Variants in GAB1 observed in about 807,000 individuals in gnomAD.
The protein encoded by GAB1 is GRB2 associated binding protein 1.
A neutral mutation model predicts 66.5 loss-of-function variants in GAB1; 19 were observed. The ratio of observed to expected loss-of-function variants is 0.29; its 90% CI spans 0.20 to 0.42. The LOEUF is 0.42. Among genes scored for constraint, GAB1 ranks in the 10% least tolerant of loss-of-function variants. The pLI, the probability that GAB1 is intolerant of heterozygous loss-of-function variation, is 1.00. For synonymous variants in GAB1, 294 were observed against 301.4 expected, an observed-to-expected ratio of 0.98 and a Z score of 0.25; for missense variants, 732 against 858.5, an observed-to-expected ratio of 0.85 and a Z score of 1.84.
intron 6 of GAB1, among the ~76,000 whole-genome samples, chr4:143,450,812 A>G (rs908977871): frequency 2.0e-5 from 3 of 151,742 alleles, no homozygotes; most frequent in Non-Finnish European, 2.9e-5. Flanking sequence ...AATTGCTTGA[A>G]CCTAGGATTT....
intron 1 of GAB1, among the ~76,000 whole-genome samples, chr4:143,356,958 G>T (rs1327389867): frequency 6.6e-6 from 1 of 152,032 alleles, no homozygotes; most frequent in Non-Finnish European, 1.5e-5. Context: ...AGAAATTTTG[G>T]ACTTTCTCTT....
intron 4 of GAB1, chr4:143,439,501 G>T (rs1348029342): frequency 6.6e-6 from 2 of 301,438 alleles, no homozygotes; most frequent in East Asian, 1.3e-4. Context: ...TGGTGCAAAC[G>T]ATGAGAAAAT....
At chr4:143,354,632 A>G (rs1418689237) in intron 1 of GAB1, among the ~76,000 whole-genome samples, 1 of 152,204 alleles carries the variant, frequency 6.6e-6, no homozygotes, top group Admixed American at 6.5e-5. Context: ...TCATTAAACT[A>G]TAATATACAT....
At chr4:143,415,389 A>C in intron 1 of GAB1, 88 bp from the exon 2 acceptor site, 1 of 1,027,336 alleles carries the variant, frequency 9.7e-7, no homozygotes, top group Non-Finnish European at 1.4e-6. Context: ...TAAACAATGC[A>C]TTTGTAAAAT....
At position 143,434,194 on chromosome 4, in the gene GAB1, T is replaced by C. The variant is rs960250001; in HGVS notation, c.593+478T>C. ...GTGAGTGTGTTGTGGTGGTTTTGGA[T>C]CTGTGTGAGAAATTAATCATAAGGT... is the stretch of plus-strand genomic sequence containing the variant. On this transcript the variant is annotated intron_variant, in intron 3 of 9. Transcript: ENST00000262994. 8 of 1,180,330 alleles carry C rather than the reference T, an allele frequency of 6.8e-6. No homozygotes were observed. The African/African-American group carries it at 1.1e-4, about 16-fold the overall frequency. 73.1% of individuals were successfully genotyped at this position (1,180,330 alleles called of 1,614,324 possible).
intron 1 of GAB1, among the ~76,000 whole-genome samples, chr4:143,365,490 G>A (rs1222720298): frequency 6.6e-6 from 1 of 152,180 alleles, no homozygotes; most frequent in African/African-American, 2.4e-5. Flanking sequence ...TGGTGAATGA[G>A]TGAGGCATGA....
At chr4:143,399,929 T>C (rs1444318895) in intron 1 of GAB1, among the ~76,000 whole-genome samples, 1 of 149,542 alleles carries the variant, frequency 6.7e-6, no homozygotes, top group Non-Finnish European at 1.5e-5. Context: ...CACACTAAAT[T>C]GAGTCTTGCT....
chr4:143,363,271 T>C lies in GAB1; in HGVS notation c.72+26011T>C, dbSNP rs570908082. On this transcript the variant is annotated intron_variant, in intron 1 of 9. Transcript: ENST00000262994. ...TCCACTACTTATCATTTATCATGAGTTGTGAGATCCTGCTAGGTTCAGGAG... is the reference window on the plus strand; with the variant it reads ...TCCACTACTTATCATTTATCATGAGCTGTGAGATCCTGCTAGGTTCAGGAG... Among the ~76,000 whole-genome samples the C allele has an allele frequency of 3.9e-5, 6 of 152,242 alleles. No homozygotes were observed. In the South Asian group the frequency reaches 1.2e-3, roughly 32 times the overall value.
chr4:143,462,849 A>T (rs1286396590), intron 8 of GAB1, among the ~76,000 whole-genome samples: 1 of 152,098 alleles, frequency 6.6e-6, no homozygotes, highest in Non-Finnish European at 1.5e-5. Flanking sequence ...TTTGGTAGAG[A>T]CAGGGTTTCA....
At chr4:143,401,248 A>G (rs1731756856) in intron 1 of GAB1, among the ~76,000 whole-genome samples, 1 of 152,182 alleles carries the variant, frequency 6.6e-6, no homozygotes, top group South Asian at 2.1e-4. Flanking sequence ...TGCTTAACAT[A>G]AATTGAAATA....
chr4:143,428,366 C>T (rs1368707173), intron 2 of GAB1, among the ~76,000 whole-genome samples: 2 of 152,132 alleles, frequency 1.3e-5, no homozygotes, highest in African/African-American at 4.8e-5. Flanking sequence ...CCTCCTCCAA[C>T]AAGGGAGAGA....
intron 1 of GAB1, among the ~76,000 whole-genome samples, chr4:143,346,303 A>G (rs1728990995): frequency 6.6e-6 from 1 of 152,252 alleles, no homozygotes; most frequent in Non-Finnish European, 1.5e-5. Flanking sequence ...CTCTCCTGAA[A>G]TGCAGCTTTT....
intron 1 of GAB1, among the ~76,000 whole-genome samples, chr4:143,372,370 T>C (rs1730163466): frequency 6.6e-6 from 1 of 152,208 alleles, no homozygotes; most frequent in Non-Finnish European, 1.5e-5. Flanking sequence ...GAATGCTTGC[T>C]GTAGGCCAGG....
chr4:143,469,547 G>C lies in GAB1; in HGVS notation c.*358G>C, dbSNP rs1166697109. ...ATTCCTTTGGGAGTTCTTGTTTTTT[G>C]TCACACTACTTTATATAACAATACT... On this transcript the variant is annotated 3_prime_UTR_variant, in exon 10 of 10. Transcript: ENST00000262994. 1 of 182,300 alleles carries C rather than the reference G, an allele frequency of 5.5e-6. No homozygotes were observed. The highest frequency in any genetic ancestry group is 2.3e-5 in the African/African-American group (1 of 42,808). 11.3% of individuals were successfully genotyped at this position (182,300 alleles called of 1,614,324 possible).
At position 143,337,945 on chromosome 4, in the gene GAB1, G is replaced by A. The variant is rs1728715337; in HGVS notation, c.72+685G>A. Reference sequence around the variant, plus strand: ...TGCGAGAGGAGGGCGCTGGGGGGGAGCCTAGTGGCTGGTGTTTGGGCGCCT... The same window carrying A: ...TGCGAGAGGAGGGCGCTGGGGGGGAACCTAGTGGCTGGTGTTTGGGCGCCT... On this transcript the variant is annotated intron_variant, in intron 1 of 9. Coordinates refer to ENST00000262994, the MANE Select transcript of GAB1 (RefSeq NM_002039.4). Among the ~76,000 whole-genome samples the A allele has an allele frequency of 2.0e-5, 3 of 152,322 alleles. 1 individual carries two copies. Among genetic ancestry groups the A allele is most frequent in the Non-Finnish European group, 4.4e-5 (3 of 68,028 alleles).
chr4:143,416,749 G>T (rs1356746375), intron 2 of GAB1, among the ~76,000 whole-genome samples: 1 of 151,886 alleles, frequency 6.6e-6, no homozygotes, highest in Admixed American at 6.6e-5. Context: ...ACTCCAGCCT[G>T]GGCGACAGAG....
chr4:143,444,618 A>C (rs1337104124), intron 6 of GAB1, among the ~76,000 whole-genome samples: 3 of 152,046 alleles, frequency 2.0e-5, no homozygotes, highest in Non-Finnish European at 2.9e-5. Flanking sequence ...TTTGTATTTC[A>C]ATTTTTATTT....
chr4:143,428,134 A>G (rs1008694013), intron 2 of GAB1, among the ~76,000 whole-genome samples: 4 of 152,202 alleles, frequency 2.6e-5, no homozygotes, highest in African/African-American at 9.7e-5. Flanking sequence ...TTTATCCGTG[A>G]AAGGAGAAGC....
At chr4:143,455,557 G>A (rs1159741164) in intron 6 of GAB1, among the ~76,000 whole-genome samples, 2 of 152,174 alleles carry the variant, frequency 1.3e-5, no homozygotes, top group Non-Finnish European at 2.9e-5. Context: ...AAGGAGGAGT[G>A]CATCTCACAT....
Sources: allele counts gnomAD v4.1 joint callset (sites outside exome capture counted in the v4.1 genomes callset), GRCh38; gene constraint gnomAD v4.1.1; transcripts MANE v1.5; gene names NCBI Gene and HGNC (gene_info 2026-07-23, HGNC 2026-07-21).